The following VPS13D variants were observed in gnomAD, a reference collection of about 807,000 sequenced individuals.
VPS13D encodes the protein intermembrane lipid transfer protein VPS13D.
In VPS13D, 187 loss-of-function variants were observed where a neutral mutation model predicts 461.9. The ratio of observed to expected loss-of-function variants is 0.40; its 90% CI spans 0.36 to 0.46. The LOEUF is 0.46. Among genes scored for constraint, VPS13D ranks in the 20% least tolerant of loss-of-function variants. The pLI, the probability that VPS13D is intolerant of heterozygous loss-of-function variation, is 0.60. For missense variants in VPS13D, 4,711 were observed against 5,364.9 expected (o/e 0.88, Z 3.81); for synonymous variants, 1,951 against 1,986.3 (o/e 0.98, Z 0.47).
At chr1:12,262,566 G>A (rs371196558) in intron 13 of VPS13D, among the ~76,000 whole-genome samples, 1 of 152,212 alleles carries the variant, frequency 6.6e-6, no homozygotes, top group East Asian at 1.9e-4. Flanking sequence ...ATAGTCTACA[G>A]TGGACTGTGT....
chr1:12,501,099 GAAAAT>G (rs1288866484), intron 68 of VPS13D, among the ~76,000 whole-genome samples: 1 of 151,906 alleles, frequency 6.6e-6, no homozygotes, highest in African/African-American at 2.4e-5. Context: ...GAGTATAGAA[GAAAAT>G]AAAATCAAGA....
chr1:12,284,507 G>T (rs983983419), intron 21 of VPS13D, among the ~76,000 whole-genome samples: 2 of 152,174 alleles, frequency 1.3e-5, no homozygotes, highest in Non-Finnish European at 2.9e-5. Flanking sequence ...TGAGTTTAAG[G>T]CTATTCTGCT....
chr1:12,433,251 G>T (rs1645015701), intron 65 of VPS13D, among the ~76,000 whole-genome samples: 2 of 149,528 alleles, frequency 1.3e-5, no homozygotes, highest in Non-Finnish European at 3.0e-5. Context: ...AATCTGGAAC[G>T]CTTGGGGAAA....
intron 67 of VPS13D, among the ~76,000 whole-genome samples, chr1:12,489,892 G>GT (rs1553128540): frequency 1.3e-5 from 2 of 152,146 alleles, no homozygotes; most frequent in Non-Finnish European, 2.9e-5. Context: ...GTTACAGTTC[G>GT]TAAGTGGTGG....
chr1:12,352,870 C>T (rs1643826513), intron 46 of VPS13D, among the ~76,000 whole-genome samples: 1 of 142,454 alleles, frequency 7.0e-6, no homozygotes, highest in Non-Finnish European at 1.5e-5. Context: ...GAGGCTGAGG[C>T]AGGAGAATGG....
chr1:12,409,284 C>G (rs1644693710), intron 63 of VPS13D, among the ~76,000 whole-genome samples: 1 of 152,002 alleles, frequency 6.6e-6, no homozygotes, highest in Admixed American at 6.6e-5. Context: ...AAAAGTTTTC[C>G]CTTCTCTATG....
At chr1:12,232,899 C>T (rs1469754967) in intron 1 of VPS13D, among the ~76,000 whole-genome samples, 2 of 151,932 alleles carry the variant, frequency 1.3e-5, no homozygotes, top group Non-Finnish European at 2.9e-5. Context: ...AAGTGATCCT[C>T]ATGAACAAAT....
intron 40 of VPS13D, among the ~76,000 whole-genome samples, chr1:12,340,195 T>C (rs1643538101): frequency 6.6e-6 from 1 of 152,202 alleles, no homozygotes; most frequent in African/African-American, 2.4e-5. Context: ...ATTTTTTTTT[T>C]TAAAGCAAAC....
At chr1:12,353,272 G>C (rs886446131) in intron 46 of VPS13D, among the ~76,000 whole-genome samples, 1 of 151,904 alleles carries the variant, frequency 6.6e-6, no homozygotes, top group Non-Finnish European at 1.5e-5. Context: ...GGTGGCTCAC[G>C]CGTGTAATCC....
At chr1:12,465,803 C>T (rs1645474457) in intron 67 of VPS13D, among the ~76,000 whole-genome samples, 1 of 152,140 alleles carries the variant, frequency 6.6e-6, no homozygotes, top group South Asian at 2.1e-4. Flanking sequence ...TTTTGGGTCA[C>T]CAGAGCCTGA....
At chr1:12,475,786 C>G (rs1004152248) in intron 67 of VPS13D, among the ~76,000 whole-genome samples, 1 of 152,120 alleles carries the variant, frequency 6.6e-6, no homozygotes, top group Non-Finnish European at 1.5e-5. Context: ...AATAAAATGT[C>G]CAGGGAACCT....
rs144209580 is a variant in VPS13D, at chr1:12,388,019, A to G, written c.11634+1685A>G. Among the ~76,000 whole-genome samples the G allele has an allele frequency of 1.5e-3, 233 of 152,376 alleles. 2 individuals are homozygous for G. Among genetic ancestry groups the G allele is most frequent in the African/African-American group, 5.4e-3 (226 of 41,588 alleles). The stretch of plus-strand genomic sequence containing the variant: ...ATAGTATCAGATTGAAGTCTGTTCT[A>G]CACAAAGTAATGAATACCAGAAATG... On this transcript the variant is annotated intron_variant, in intron 60 of 69. Coordinates refer to ENST00000620676, the MANE Select transcript of VPS13D (RefSeq NM_015378.4).
At chr1:12,378,672 G>A (rs770033739) in intron 56 of VPS13D, 81 bp downstream of exon 56, 32 of 1,350,988 alleles carry the variant, frequency 2.4e-5, no homozygotes, top group Non-Finnish European at 3.1e-5. Flanking sequence ...AAAACTAAGA[G>A]TTCTATAAAT....
Position 12,282,798 on chromosome 1 carries a change from A to G in VPS13D, c.4696A>G (p.Thr1566Ala), listed in dbSNP as rs1641825325. 1.2e-6 allele frequency: 2 copies of G among 1,613,926 alleles called. No homozygotes were observed. The highest frequency in any genetic ancestry group is 1.7e-6 in the Non-Finnish European group (2 of 1,180,012). The change falls in exon 21 of 70, where the codon ACC (threonine) becomes GCC (alanine). Residue 1566 changes from threonine (T) to alanine (A), a missense_variant. Physicochemically the swap from Thr to Ala is moderately conservative, Grantham distance 58. Around this residue, in one of 3 missense-constraint regions of VPS13D, gnomAD observed 4,411 missense variants for 4,937.8 expected, o/e 0.89. Coordinates refer to ENST00000620676, the MANE Select transcript of VPS13D (RefSeq NM_015378.4). ...EDLNKYPASA[T>A]SSPCPDSPLP... ...TCTGAATAAGTATCCAGCCAGTGCTACCTCCTCCCCTTGCCCTGATTCTCC... is the reference window on the plus strand; with the variant it reads ...TCTGAATAAGTATCCAGCCAGTGCTGCCTCCTCCCCTTGCCCTGATTCTCC...
chr1:12,503,036 G>A (rs1159611676), intron 68 of VPS13D, among the ~76,000 whole-genome samples: 2 of 152,190 alleles, frequency 1.3e-5, no homozygotes, highest in Non-Finnish European at 2.9e-5. Flanking sequence ...AGGCTGCAGT[G>A]TGGCTTGGGA....
chr1:12,274,213 G>A (rs890912592), intron 18 of VPS13D, among the ~76,000 whole-genome samples: 2 of 152,132 alleles, frequency 1.3e-5, no homozygotes, highest in African/African-American at 4.8e-5. Context: ...GCTAATTTTT[G>A]TATCTTTAGT....
At chr1:12,412,017 A>G (rs1224840034) in intron 63 of VPS13D, among the ~76,000 whole-genome samples, 2 of 152,218 alleles carry the variant, frequency 1.3e-5, no homozygotes, top group African/African-American at 4.8e-5. Context: ...ATTCAGGTGG[A>G]GGGAACATAG....
chr1:12,373,700 T>C lies in VPS13D; in HGVS notation c.10809-50T>C, dbSNP rs1016992566. On this transcript the variant is annotated intron_variant, in intron 54 of 69. Coordinates refer to ENST00000620676, the MANE Select transcript of VPS13D (RefSeq NM_015378.4). ...GAATACATGTGTGAGTATGTGTGTG[T>C]ATACCTGTATATATATTTTTATGTA... 7.2e-6 allele frequency: 8 copies of C among 1,104,794 alleles called. No individual in the cohort carries two copies. The Admixed American group carries it at 3.0e-4, about 42-fold the overall frequency. The allele number at this position is 1,104,794 out of a possible 1,614,324, so 68.4% of individuals were successfully genotyped here. A position where few individuals can be genotyped will look rare whatever the true frequency, so the allele number is the denominator to read the frequency against.
chr1:12,339,723 G>A (rs1228916445), intron 40 of VPS13D, among the ~76,000 whole-genome samples: 2 of 152,152 alleles, frequency 1.3e-5, no homozygotes, highest in African/African-American at 2.4e-5. Flanking sequence ...TGCATGCTGT[G>A]TATTTTTATC....
Sources: gnomAD v4.1 joint callset for allele counts (sites outside exome capture counted in the v4.1 genomes callset) on GRCh38, gnomAD v4.1.1 for gene constraint, gnomAD v4.1.1 regional missense constraint, MANE v1.5 for transcripts, NCBI Gene and HGNC (gene_info 2026-07-23, HGNC 2026-07-21) for gene names.